Variants in TFDP1 observed in about 807,000 individuals in gnomAD.
TFDP1 encodes DRTF1-polypeptide 1.
In TFDP1, 6 loss-of-function variants were observed where a neutral mutation model predicts 48.0. That is an observed-to-expected ratio of 0.13 (90% CI 0.07 to 0.25). TFDP1 has a LOEUF of 0.25. TFDP1 is among the 10% of genes least tolerant of loss of function. TFDP1 has a pLI of 1.00. For missense variants in TFDP1, 335 were observed against 543.0 expected, an observed-to-expected ratio of 0.62 and a Z score of 3.81; for synonymous variants, 201 against 211.6, an observed-to-expected ratio of 0.95 and a Z score of 0.44.
chr13:113,591,353 A>G (rs1566633005), intron 2 of TFDP1, among the ~76,000 whole-genome samples: 8 of 152,140 alleles, frequency 5.3e-5, no homozygotes. Flanking sequence ...AAAAAAAAAA[A>G]AAAGAAAAAA....
Position 113,636,458 on chromosome 13 carries a change from C to A in TFDP1, c.840-76C>A. ...CTGTGTGTGGCGGTCAGCGGGTCAG[C>A]CGTCCTGGCTCCACCCCAGTGTGTA... On this transcript the variant is annotated intron_variant, in intron 9 of 11. Transcript: ENST00000375370. 3.9e-6 allele frequency: 6 copies of A among 1,523,300 alleles called. No individual in the cohort carries two copies. In the South Asian group the frequency reaches 6.1e-5, roughly 15 times the overall value. The allele number at this position is 1,523,300 out of a possible 1,614,324, so 94.4% of individuals were successfully genotyped here.
At chr13:113,608,366 T>C (rs2140381017) in intron 2 of TFDP1, among the ~76,000 whole-genome samples, 1 of 152,324 alleles carries the variant, frequency 6.6e-6, no homozygotes, top group South Asian at 2.1e-4. Flanking sequence ...TGAACCACGG[T>C]TGCCACAGGC....
chr13:113,622,123 A>G (rs528513316), intron 3 of TFDP1, among the ~76,000 whole-genome samples: 1 of 152,292 alleles, frequency 6.6e-6, no homozygotes, highest in East Asian at 1.9e-4. Context: ...CTTACCTGTG[A>G]TTGGAGATGG....
chr13:113,637,774 GT>G, intron 10 of TFDP1, 43 bp from the exon 11 acceptor site: 1 of 1,614,208 alleles, frequency 6.2e-7, no homozygotes, highest in South Asian at 1.1e-5. Flanking sequence ...GTCTTGTGTT[GT>G]TTCTGTTTCA....
intron 3 of TFDP1, among the ~76,000 whole-genome samples, chr13:113,619,151 G>T (rs2048932881): frequency 6.6e-6 from 1 of 152,202 alleles, no homozygotes; most frequent in South Asian, 2.1e-4. Context: ...GTTATTGTTT[G>T]TATTTGAAAA....
intron 2 of TFDP1, among the ~76,000 whole-genome samples, chr13:113,595,484 C>G (rs1231568333): frequency 6.6e-6 from 1 of 152,316 alleles, no homozygotes; most frequent in South Asian, 2.1e-4. Context: ...CGAGAGAGTC[C>G]TGTCAGCCTG....
At chr13:113,611,735 G>A (rs1039258368) in intron 3 of TFDP1, among the ~76,000 whole-genome samples, 11 of 152,244 alleles carry the variant, frequency 7.2e-5, no homozygotes, top group Non-Finnish European at 1.0e-4. Context: ...TAGAAGCTTT[G>A]ATGTGCGATG....
intron 2 of TFDP1, among the ~76,000 whole-genome samples, chr13:113,602,303 C>G (rs112694917): frequency 2.0e-5 from 3 of 149,810 alleles, no homozygotes; most frequent in African/African-American, 7.4e-5. Flanking sequence ...CAGAGTTACC[C>G]GCAGGAGTTG....
At chr13:113,585,335 CAG>C (rs1298908462) in intron 1 of TFDP1, 1 of 151,864 alleles carries the variant, frequency 6.6e-6, no homozygotes, top group East Asian at 1.9e-4. Context: ...GCCCACCTGT[CAG>C]AGTTACCGGT....
At chr13:113,618,098 G>A (rs117560049) in intron 3 of TFDP1, among the ~76,000 whole-genome samples, 4,332 of 152,290 alleles carry the variant, frequency 0.028, 101 homozygotes, top group Non-Finnish European at 0.044. Context: ...GTTGGCTTGT[G>A]GGCCATGTCT....
At chr13:113,636,349 A>G (rs2049487487) in intron 9 of TFDP1, among the ~76,000 whole-genome samples, 185 bp from the exon 10 acceptor site, 1 of 152,218 alleles carries the variant, frequency 6.6e-6, no homozygotes, top group African/African-American at 2.4e-5. Context: ...CCTGGGGAGA[A>G]TAGGCCTCGA....
chr13:113,631,852 G>T, intron 5 of TFDP1, 108 bp downstream of exon 5: 19 of 1,429,804 alleles, frequency 1.3e-5, no homozygotes, highest in Non-Finnish European at 1.8e-5. Context: ...GGGCTCCCAC[G>T]CGCGTTGACG....
At chr13:113,586,038 C>T in intron 2 of TFDP1, 189 bp downstream of exon 2, 1 of 580,174 alleles carries the variant, frequency 1.7e-6, no homozygotes, top group Non-Finnish European at 2.9e-6. Context: ...CGGTCACCAC[C>T]CACAAGTTGT....
At chr13:113,611,106 A>C (rs753358732) in intron 3 of TFDP1, 44 bp downstream of exon 3, 1 of 1,525,310 alleles carries the variant, frequency 6.6e-7, no homozygotes, top group Non-Finnish European at 9.1e-7. Context: ...TGATGAATGC[A>C]TGAAGCTTCA....
chr13:113,614,259 CGTGT>C (rs374948148), intron 3 of TFDP1, among the ~76,000 whole-genome samples: 29 of 148,942 alleles, frequency 1.9e-4, no homozygotes, highest in Non-Finnish European at 2.9e-4. Flanking sequence ...TCTGATTGTG[CGTGT>C]GTGTGAGTTG....
intron 4 of TFDP1, among the ~76,000 whole-genome samples, chr13:113,630,155 GCA>G (rs3076650): frequency 0.013 from 1,933 of 148,984 alleles, 15 homozygotes; most frequent in Non-Finnish European, 0.016. Flanking sequence ...TGCCCCAGCA[GCA>G]CACACACACA....
intron 2 of TFDP1, among the ~76,000 whole-genome samples, chr13:113,592,727 C>T (rs1369895232): frequency 2.0e-5 from 3 of 152,234 alleles, no homozygotes; most frequent in Non-Finnish European, 2.9e-5. Flanking sequence ...CCCTGGCCCT[C>T]CCCTCCTGCC....
rs934866767 is a variant in TFDP1, at chr13:113,641,453, G to A, written c.*1186G>A. On this transcript the variant is annotated 3_prime_UTR_variant, in exon 12 of 12. Coordinates refer to ENST00000375370, the MANE Select transcript of TFDP1 (RefSeq NM_007111.5). ...CACTGTTAGTTTTTATTAATAAAAC[G>A]CGCATGGGCATTTTAAACAAGCTGT... 5.3e-5 allele frequency: 8 copies of A among 152,194 alleles called. No individual in the cohort carries two copies. The highest frequency in any genetic ancestry group is 2.1e-4 in the South Asian group (1 of 4,834). The allele number at this position is 152,194 out of a possible 1,614,324, so 9.4% of individuals were successfully genotyped here.
intron 2 of TFDP1, among the ~76,000 whole-genome samples, chr13:113,608,081 T>C (rs2048613454): frequency 6.6e-6 from 1 of 152,066 alleles, no homozygotes; most frequent in Admixed American, 6.5e-5. Context: ...GGGGCTCCTC[T>C]GTTGGGGCCT....
Sources: gnomAD v4.1 joint callset for allele counts (sites outside exome capture counted in the v4.1 genomes callset) on GRCh38, gnomAD v4.1.1 for gene constraint, MANE v1.5 for transcripts, NCBI Gene and HGNC (gene_info 2026-07-23, HGNC 2026-07-21) for gene names.